Variants in KLHL15 observed in about 807,000 individuals in gnomAD.
KLHL15 encodes kelch like family member 15, also known as kelch-like protein 15.
KLHL15 carries 1 observed loss-of-function variant against 29.3 expected under a neutral mutation model. The ratio of observed to expected loss-of-function variants is 0.03; its 90% CI spans 0.01 to 0.16. The LOEUF (loss-of-function observed/expected upper bound fraction) is 0.16. Ranked by LOEUF, KLHL15 falls within the 10% of genes least tolerant of loss-of-function variation. The pLI is 1.00. For missense variants in KLHL15, 215 were observed against 478.5 expected (o/e 0.45, Z 5.14); for synonymous variants, 212 against 184.5 (o/e 1.15, Z -1.21).
At chrX:23,990,000 T>C (rs1367587572) in intron 3 of KLHL15, among the ~76,000 whole-genome samples, 2 of 109,516 alleles carry the variant, frequency 1.8e-5, no homozygotes, top group African/African-American at 6.6e-5. Context: ...CTAATTATGA[T>C]GACTACCAAG....
chrX:24,017,726 A>T (rs1442256971), intron 2 of KLHL15, among the ~76,000 whole-genome samples: 1 of 100,059 alleles, frequency 1.0e-5, no homozygotes, highest in Non-Finnish European at 2.0e-5. Flanking sequence ...GGCTGCAATG[A>T]GCTATAATCC....
At chrX:24,021,537 CACTG>C (rs1325075222) in intron 2 of KLHL15, among the ~76,000 whole-genome samples, 2 of 112,459 alleles carry the variant, frequency 1.8e-5, no homozygotes, top group Non-Finnish European at 3.7e-5. Context: ...GGTTTTGCTT[CACTG>C]ACTGTTGCAT....
rs1033410125 is a variant in KLHL15 at position 23,985,959 on chromosome X, T to G, written c.*1962A>C. 9.0e-6 allele frequency: 1 copy of G among 111,722 alleles called. No individual in the cohort carries two copies. Among genetic ancestry groups the G allele is most frequent in the African/African-American group, 3.3e-5 (1 of 30,751 alleles). 9.2% of individuals were successfully genotyped at this position (111,722 alleles called of 1,213,427 possible). ...GTATTTTTTAAATGTAGAAAAAGAC[T>G]TTTACCCATATTACCATGGGAAACA... On this transcript the variant is annotated 3_prime_UTR_variant, in exon 4 of 4. Coordinates refer to ENST00000328046, the MANE Select transcript of KLHL15 (RefSeq NM_030624.3).
intron 3 of KLHL15, among the ~76,000 whole-genome samples, chrX:23,991,422 A>G (rs1044520198): frequency 6.4e-5 from 7 of 108,842 alleles, no homozygotes; most frequent in African/African-American, 2.3e-4. Context: ...GGGAGGCTGA[A>G]GTAGAAGAAT....
chrX:24,021,829 A>C (rs1227983530), intron 2 of KLHL15, among the ~76,000 whole-genome samples: 1 of 110,400 alleles, frequency 9.1e-6, no homozygotes, highest in Non-Finnish European at 1.9e-5. Context: ...TCTTCAATAA[A>C]AAAAAAAAAG....
chrX:24,002,694 C>T lies in KLHL15; in HGVS notation c.705+3295G>A, dbSNP rs778070124. ...CCCAGCTGGAAGGCAGTGGCACGACCGTGGCTCACTGCAACCTCGACCTCC... is the reference window on the plus strand; with the variant it reads ...CCCAGCTGGAAGGCAGTGGCACGACTGTGGCTCACTGCAACCTCGACCTCC... On this transcript the variant is annotated intron_variant, in intron 3 of 3. Coordinates refer to ENST00000328046, the MANE Select transcript of KLHL15 (RefSeq NM_030624.3). 7.3e-5 allele frequency among the ~76,000 whole-genome samples: 8 copies of T among 109,318 alleles called. No individual in the cohort carries two copies. The East Asian group carries it at 1.7e-3, about 24-fold the overall frequency. The allele number at this position is 109,318 out of a possible 115,157, so 94.9% of individuals were successfully genotyped here.
Position 23,988,550 on chromosome X carries a change from T to C in KLHL15, c.1186A>G (p.Thr396Ala), listed in dbSNP as rs775002758. 4 of 1,211,926 alleles carry C rather than the reference T, an allele frequency of 3.3e-6. No homozygotes were observed. The highest frequency in any genetic ancestry group is 4.5e-6 in the Non-Finnish European group (4 of 895,549). The change falls in exon 4 of 4, where the codon ACT (threonine) becomes GCT (alanine). Residue 396 changes from threonine (T) to alanine (A), a missense_variant. Physicochemically the swap from Thr to Ala is moderately conservative, Grantham distance 58. Transcript: ENST00000328046. ...TCGTTGGTGATGTCATATCTCTCAG[T>C]TGAATAGAAAGTCTCATCTCTGGTT... Reference protein sequence around the residue: ...GRTRDETFYSTERYDITNDKW... With the variant: ...GRTRDETFYSAERYDITNDKW...
chrX:23,993,093 C>T (rs1929117179), intron 3 of KLHL15, among the ~76,000 whole-genome samples: 1 of 111,966 alleles, frequency 8.9e-6, no homozygotes, highest in African/African-American at 3.2e-5. Flanking sequence ...GGATTAAATA[C>T]AATTACTAAG....
At chrX:24,008,840 C>T (rs72620470) in intron 2 of KLHL15, among the ~76,000 whole-genome samples, 3,058 of 101,431 alleles carry the variant, frequency 0.03, 47 homozygotes, top group South Asian at 0.081. Context: ...CCTCCTGCCT[C>T]CAACCTCTAG....
At chrX:24,021,034 T>C (rs1260196356) in intron 2 of KLHL15, among the ~76,000 whole-genome samples, 1 of 111,918 alleles carries the variant, frequency 8.9e-6, no homozygotes, top group Non-Finnish European at 1.9e-5. Flanking sequence ...TTTAAGGGTC[T>C]TACGTTAAAA....
intron 1 of KLHL15, among the ~76,000 whole-genome samples, chrX:24,026,534 A>C (rs1045207705): frequency 2.9e-4 from 32 of 111,235 alleles, no homozygotes; most frequent in Non-Finnish European, 9.4e-5. Flanking sequence ...CATTGCCCAT[A>C]GCAGATCCTA....
intron 2 of KLHL15, among the ~76,000 whole-genome samples, chrX:24,022,812 C>T (rs141534882): frequency 0.01 from 1,094 of 107,148 alleles, 18 homozygotes; most frequent in African/African-American, 0.034. Context: ...TTCTGCCTAC[C>T]GGGTTCAAGC....
At position 24,016,339 on chromosome X, in the gene KLHL15, CAAAAAAAAA is replaced by C. The variant is rs755683770; in HGVS notation, c.-8+8509_-8+8517del. Among the ~76,000 whole-genome samples, 6 of 21,691 alleles carry C rather than the reference CAAAAAAAAA, an allele frequency of 2.8e-4. No homozygotes were observed. In the South Asian group the frequency reaches 0.022, roughly 80 times the overall value. 18.8% of individuals were successfully genotyped at this position (21,691 alleles called of 115,157 possible). ...TGGGCGACAGAGCAAGACTCTGTCTCAAAAAAAAAAAAAAAAAAAAAAAAAAAAAGGGGG... is the reference window on the plus strand; with the variant it reads ...TGGGCGACAGAGCAAGACTCTGTCTCAAAAAAAAAAAAAAAAAAAAGGGGG... On this transcript the variant is annotated intron_variant, in intron 2 of 3. Transcript: ENST00000328046.
intron 2 of KLHL15, among the ~76,000 whole-genome samples, chrX:24,009,220 G>C (rs942868571): frequency 9.0e-6 from 1 of 111,087 alleles, no homozygotes; most frequent in African/African-American, 3.3e-5. Flanking sequence ...TTAAAGGCCG[G>C]GCGTGGTGGC....
intron 2 of KLHL15, among the ~76,000 whole-genome samples, chrX:24,008,890 A>AC (rs1441881941): frequency 9.4e-6 from 1 of 106,463 alleles, no homozygotes; most frequent in African/African-American, 3.4e-5. Flanking sequence ...AAAACAAAAC[A>AC]AAAAAAAAAC....
intron 1 of KLHL15, 136 bp from the exon 2 acceptor site, chrX:24,025,194 G>A (rs937930961): frequency 1.0e-5 from 3 of 288,941 alleles, no homozygotes; most frequent in Non-Finnish European, 1.8e-5. Flanking sequence ...CGGGAGGGCC[G>A]ACTGGGGCCG....
At chrX:24,025,490 T>A (rs1929910428) in intron 1 of KLHL15, among the ~76,000 whole-genome samples, 1 of 105,497 alleles carries the variant, frequency 9.5e-6, no homozygotes, top group Admixed American at 9.7e-5. Flanking sequence ...CGCTGTCGTC[T>A]TGACGCGGAA....
rs1332615828 is a variant in KLHL15, at chrX:24,024,862, G to C, written c.-13C>G. On this transcript the variant is annotated 5_prime_UTR_variant, in exon 2 of 4. Coordinates refer to ENST00000328046, the MANE Select transcript of KLHL15 (RefSeq NM_030624.3). Reference sequence around the variant, plus strand: ...GGCCAGGGGCGGCTACGTACCTCGGGGGGTCCTGTCCAGCCTCTAGTGGAC... The same window carrying C: ...GGCCAGGGGCGGCTACGTACCTCGGCGGGTCCTGTCCAGCCTCTAGTGGAC... 1.7e-5 allele frequency: 5 copies of C among 296,050 alleles called. No individual in the cohort carries two copies. The highest frequency in any genetic ancestry group is 1.8e-5 in the Non-Finnish European group (3 of 169,649). 24.4% of individuals were successfully genotyped at this position (296,050 alleles called of 1,213,427 possible). A position where few individuals can be genotyped will look rare whatever the true frequency, so the allele number is the denominator to read the frequency against.
At chrX:23,992,548 T>C (rs1929106907) in intron 3 of KLHL15, among the ~76,000 whole-genome samples, 1 of 111,962 alleles carries the variant, frequency 8.9e-6, no homozygotes. Flanking sequence ...GCCATGTTGT[T>C]TGGAGATCAA....
Sources: allele counts gnomAD v4.1 joint callset (sites outside exome capture counted in the v4.1 genomes callset), GRCh38; gene constraint gnomAD v4.1.1; transcripts MANE v1.5; gene names NCBI Gene and HGNC (gene_info 2026-07-23, HGNC 2026-07-21).